Variants in GALNT1 observed in about 807,000 individuals in gnomAD.
GALNT1 encodes the protein GalNAc transferase 1.
GALNT1 carries 17 observed loss-of-function variants against 65.7 expected under a neutral mutation model. The observed-to-expected ratio is 0.26, with a 90% confidence interval of 0.18 to 0.39. GALNT1 has a LOEUF of 0.39. Ranked by LOEUF, GALNT1 falls within the 10% of genes least tolerant of loss-of-function variation. The pLI, the probability that GALNT1 is intolerant of heterozygous loss-of-function variation, is 1.00. For synonymous variants in GALNT1, 210 were observed against 219.7 expected (o/e 0.96, Z 0.39); for missense variants, 460 against 672.8 (o/e 0.68, Z 3.50).
At chr18:35,648,883 C>T (rs1490697796) in intron 1 of GALNT1, among the ~76,000 whole-genome samples, 1 of 152,128 alleles carries the variant, frequency 6.6e-6, no homozygotes, top group East Asian at 1.9e-4. Flanking sequence ...TATGGGCAAT[C>T]CCCTATTCCT....
rs937455332 is a variant in GALNT1, at chr18:35,710,961, G to C, written c.*1191G>C. ...TATTGAATTGTAATGTTTATCTGCT[G>C]CTTTTTTTAAATAAAATTTGACTGA... On this transcript the variant is annotated 3_prime_UTR_variant, in exon 12 of 12. Transcript: ENST00000269195. 1 of 152,496 alleles carries C rather than the reference G, an allele frequency of 6.6e-6. No individual in the cohort carries two copies. Among genetic ancestry groups the C allele is most frequent in the Non-Finnish European group, 1.5e-5 (1 of 67,988 alleles). The allele number at this position is 152,496 out of a possible 1,614,324, so 9.4% of individuals were successfully genotyped here.
intron 2 of GALNT1, among the ~76,000 whole-genome samples, chr18:35,656,654 A>G (rs905849713): frequency 6.6e-6 from 1 of 152,202 alleles, no homozygotes. Context: ...AAGGCCTTTT[A>G]TGGCATGCTA....
chr18:35,633,135 G>C (rs1481795613), intron 1 of GALNT1, among the ~76,000 whole-genome samples: 1 of 152,138 alleles, frequency 6.6e-6, no homozygotes, highest in African/African-American at 2.4e-5. Context: ...AGACAGTGTG[G>C]CAATTCCTCA....
intron 1 of GALNT1, among the ~76,000 whole-genome samples, chr18:35,650,010 A>G (rs1332913171): frequency 6.6e-6 from 1 of 152,150 alleles, no homozygotes; most frequent in African/African-American, 2.4e-5. Flanking sequence ...CTCTTAGAAG[A>G]GTGGGCAGTT....
intron 1 of GALNT1, among the ~76,000 whole-genome samples, chr18:35,603,941 T>C (rs1307499782): frequency 6.6e-6 from 1 of 152,176 alleles, no homozygotes; most frequent in Non-Finnish European, 1.5e-5. Flanking sequence ...TTTCCAACTT[T>C]TAGGTTCGGG....
At chr18:35,667,425 A>G (rs1046681071) in intron 3 of GALNT1, among the ~76,000 whole-genome samples, 25 of 152,292 alleles carry the variant, frequency 1.6e-4, no homozygotes, top group African/African-American at 5.8e-4. Flanking sequence ...AAATATTTCA[A>G]TATGTAGCTC....
intron 2 of GALNT1, among the ~76,000 whole-genome samples, chr18:35,658,024 G>A (rs2047418633): frequency 1.3e-5 from 2 of 152,158 alleles, no homozygotes; most frequent in African/African-American, 4.8e-5. Flanking sequence ...TCCTCAAAGA[G>A]CATCCACAGG....
chr18:35,588,750 G>A (rs1239111936), intron 1 of GALNT1, among the ~76,000 whole-genome samples: 1 of 151,620 alleles, frequency 6.6e-6, no homozygotes, highest in Non-Finnish European at 1.5e-5. Flanking sequence ...TTTGCTTTAG[G>A]TTTTTCTTCA....
Position 35,709,625 on chromosome 18 carries a change from A to C in GALNT1, c.1535A>C (p.Lys512Thr), listed in dbSNP as rs761898143. The C allele has an allele frequency of 6.2e-7, 1 of 1,613,336 alleles. No individual in the cohort carries two copies. The highest frequency in any genetic ancestry group is 1.7e-5 in the Admixed American group (1 of 59,808). The change falls in exon 12 of 12, where the codon AAA becomes ACA. Residue 512 changes from lysine to threonine, a missense_variant and splice_region_variant. By Grantham distance (78) the Lys-to-Thr change is moderately conservative (BLOSUM62 -1). Transcript: ENST00000269195. ...ATGTTAAGATTTTTTCTATTTCAGA[A>C]ATTAACCCTGCAGCATGTGAACAGT... is the stretch of plus-strand genomic sequence containing the variant. ...GNQLWEYDPV[K>T]LTLQHVNSNQ...
Position 35,709,837 on chromosome 18 carries a change from A to G in GALNT1, c.*67A>G. The G allele has an allele frequency of 6.3e-7, 1 of 1,575,544 alleles. No individual in the cohort carries two copies. The highest frequency in any genetic ancestry group is 8.7e-7 in the Non-Finnish European group (1 of 1,154,406). On this transcript the variant is annotated 3_prime_UTR_variant, in exon 12 of 12. Transcript: ENST00000269195. ...GGCTACCTCAGCATACATTTCTGCC[A>G]CATTCTTAAGTAGCAAAAAAGGAAA...
At chr18:35,674,924 A>C (rs1017152959) in intron 3 of GALNT1, among the ~76,000 whole-genome samples, 1 of 134,722 alleles carries the variant, frequency 7.4e-6, no homozygotes, top group African/African-American at 2.8e-5. Context: ...TGGAGCTTGC[A>C]GTGAGCTGAG....
chr18:35,698,815 A>G (rs771763390), intron 9 of GALNT1, among the ~76,000 whole-genome samples: 18 of 151,782 alleles, frequency 1.2e-4, no homozygotes, highest in South Asian at 2.1e-4. Flanking sequence ...TGTCTCTACA[A>G]AAAAAAATAA....
intron 5 of GALNT1, among the ~76,000 whole-genome samples, chr18:35,685,946 T>TA (rs1456070187): frequency 6.6e-6 from 1 of 152,110 alleles, no homozygotes; most frequent in Non-Finnish European, 1.5e-5. Flanking sequence ...TGCATGCCTA[T>TA]AGTCCCAACT....
intron 1 of GALNT1, among the ~76,000 whole-genome samples, chr18:35,645,784 A>G (rs1479948743): frequency 6.6e-6 from 1 of 152,210 alleles, no homozygotes; most frequent in Non-Finnish European, 1.5e-5. Flanking sequence ...AAGTGAGGAT[A>G]CATAACTTGC....
chr18:35,647,542 C>T (rs2047247245), intron 1 of GALNT1, among the ~76,000 whole-genome samples: 1 of 152,124 alleles, frequency 6.6e-6, no homozygotes, highest in African/African-American at 2.4e-5. Context: ...GAGGATAACA[C>T]TTGTCTTTTT....
intron 1 of GALNT1, among the ~76,000 whole-genome samples, chr18:35,599,481 C>A (rs1353473176): frequency 6.6e-6 from 1 of 151,640 alleles, no homozygotes; most frequent in Non-Finnish European, 1.5e-5. Context: ...AGTGATCCTC[C>A]CACCTCAGCC....
At chr18:35,591,670 G>A (rs993769544) in intron 1 of GALNT1, 1 of 154,432 alleles carries the variant, frequency 6.5e-6, no homozygotes, top group Non-Finnish European at 1.5e-5. Context: ...TTGGAATGCA[G>A]GAGGGAGCTG....
chr18:35,609,125 C>T (rs1169342599), intron 1 of GALNT1, among the ~76,000 whole-genome samples: 1 of 152,172 alleles, frequency 6.6e-6, no homozygotes, highest in African/African-American at 2.4e-5. Context: ...TTTAAAATAG[C>T]AGTCTGTGTT....
Position 35,654,600 on chromosome 18 carries a change from T to A in GALNT1, c.-63T>A. ...TCTGATGAAACTGGATTGGAATAATTTTCATGATCTTTGTATATTTATATA... is the reference window on the plus strand; with the variant it reads ...TCTGATGAAACTGGATTGGAATAATATTCATGATCTTTGTATATTTATATA... On this transcript the variant is annotated 5_prime_UTR_variant, in exon 2 of 12. Coordinates refer to ENST00000269195, the MANE Select transcript of GALNT1 (RefSeq NM_020474.4). The A allele has an allele frequency of 1.1e-6, 1 of 948,390 alleles. No individual in the cohort carries two copies. Among genetic ancestry groups the A allele is most frequent in the Non-Finnish European group, 1.4e-6 (1 of 724,616 alleles). 58.7% of individuals were successfully genotyped at this position (948,390 alleles called of 1,614,324 possible). A position where few individuals can be genotyped will look rare whatever the true frequency, so the allele number is the denominator to read the frequency against.
Sources: allele counts gnomAD v4.1 joint callset (sites outside exome capture counted in the v4.1 genomes callset), GRCh38; gene constraint gnomAD v4.1.1; transcripts MANE v1.5; gene names NCBI Gene and HGNC (gene_info 2026-07-23, HGNC 2026-07-21).